KIAA1958: variants seen among roughly 807,000 people sequenced by gnomAD.
The protein encoded by KIAA1958 is KIAA1958.
In KIAA1958, 14 loss-of-function variants were observed where a neutral mutation model predicts 47.2. The observed-to-expected ratio is 0.30, with a 90% CI of 0.20 to 0.46. KIAA1958 has a LOEUF of 0.46. KIAA1958 is among the 20% of genes least tolerant of loss of function. The probability of loss-of-function intolerance (pLI) is 1.00; values close to 1 mark genes in which losing one functional copy is unlikely to be tolerated. For missense variants in KIAA1958, 803 were observed against 909.2 expected, an observed-to-expected ratio of 0.88 and a Z score of 1.50; for synonymous variants, 354 against 353.3, an observed-to-expected ratio of 1.00 and a Z score of -0.02.
intron 2 of KIAA1958, among the ~76,000 whole-genome samples, chr9:112,631,906 C>G (rs1254395262): frequency 1.3e-5 from 2 of 152,106 alleles, no homozygotes; most frequent in Non-Finnish European, 2.9e-5. Flanking sequence ...GGATTTGTTT[C>G]CAGTTTTTTG....
intron 1 of KIAA1958, among the ~76,000 whole-genome samples, chr9:112,507,888 C>T (rs977989937): frequency 5.3e-5 from 8 of 152,086 alleles, no homozygotes; most frequent in African/African-American, 1.9e-4. Context: ...CTGCCTCAGC[C>T]TCCCGAAGTG....
At chr9:112,621,771 C>T (rs558703204) in intron 2 of KIAA1958, among the ~76,000 whole-genome samples, 63 of 152,248 alleles carry the variant, frequency 4.1e-4, no homozygotes, top group African/African-American at 1.3e-3. Context: ...TGAACAGAGA[C>T]AGGGTCTTGC....
At chr9:112,549,789 G>A (rs1200936762) in intron 1 of KIAA1958, among the ~76,000 whole-genome samples, 1 of 152,204 alleles carries the variant, frequency 6.6e-6, no homozygotes, top group Non-Finnish European at 1.5e-5. Context: ...ATTTTTGGTT[G>A]TCACGACTTG....
chr9:112,538,887 C>T (rs1204338840), intron 1 of KIAA1958, among the ~76,000 whole-genome samples: 1 of 152,076 alleles, frequency 6.6e-6, no homozygotes, highest in Non-Finnish European at 1.5e-5. Flanking sequence ...TTATGATACT[C>T]AACAAAAAGG....
chr9:112,529,494 ACTTT>A (rs1213742751), intron 1 of KIAA1958, among the ~76,000 whole-genome samples: 1 of 151,946 alleles, frequency 6.6e-6, no homozygotes, highest in Admixed American at 6.6e-5. Flanking sequence ...AGTTTTTCAG[ACTTT>A]CTTTGTTTTT....
chr9:112,499,524 C>T (rs892606612), intron 1 of KIAA1958, among the ~76,000 whole-genome samples: 22 of 152,070 alleles, frequency 1.4e-4, no homozygotes, highest in African/African-American at 5.1e-4. Flanking sequence ...CATTGAAAAG[C>T]ATATATTCAT....
intron 1 of KIAA1958, among the ~76,000 whole-genome samples, chr9:112,489,206 G>A (rs571086684): frequency 6.6e-6 from 1 of 152,292 alleles, no homozygotes; most frequent in Admixed American, 6.5e-5. Flanking sequence ...CAGAATTTCA[G>A]CACTTAGATA....
chr9:112,644,995 C>T (rs184208818), intron 2 of KIAA1958, among the ~76,000 whole-genome samples: 4 of 141,258 alleles, frequency 2.8e-5, no homozygotes, highest in East Asian at 2.0e-4. Flanking sequence ...ATTAGCCAGA[C>T]GTGATGGCAG....
intron 1 of KIAA1958, among the ~76,000 whole-genome samples, chr9:112,494,658 G>A (rs1485651791): frequency 6.6e-6 from 1 of 151,996 alleles, no homozygotes; most frequent in African/African-American, 2.4e-5. Flanking sequence ...TGTAGAGACA[G>A]GGTTTCACCA....
chr9:112,603,941 TTTTC>T (rs1297333167), intron 2 of KIAA1958, among the ~76,000 whole-genome samples: 1 of 152,232 alleles, frequency 6.6e-6, no homozygotes, highest in East Asian at 1.9e-4. Flanking sequence ...ACATCATTTC[TTTTC>T]TTTATCAAGT....
Position 112,664,573 on chromosome 9 carries a change from A to G in KIAA1958, c.*4504A>G, listed in dbSNP as rs1837326325. ...GTAACAGCTCTGAACAGAAGTATGTATTAAATGTTTCAAACTTGTATATAT... is the reference window on the plus strand; with the variant it reads ...GTAACAGCTCTGAACAGAAGTATGTGTTAAATGTTTCAAACTTGTATATAT... On this transcript the variant is annotated 3_prime_UTR_variant, in exon 4 of 4. Coordinates refer to ENST00000337530, the MANE Select transcript of KIAA1958 (RefSeq NM_133465.4). 6.6e-6 allele frequency: 1 copy of G among 152,258 alleles called. No individual in the cohort carries two copies. The highest frequency in any genetic ancestry group is 1.5e-5 in the Non-Finnish European group (1 of 68,048). 9.4% of individuals were successfully genotyped at this position (152,258 alleles called of 1,614,324 possible).
intron 1 of KIAA1958, among the ~76,000 whole-genome samples, chr9:112,533,828 G>C (rs1588005951): frequency 6.6e-6 from 1 of 152,086 alleles, no homozygotes; most frequent in Non-Finnish European, 1.5e-5. Flanking sequence ...ACCTCTTCCT[G>C]GTTCTGCCCT....
In KIAA1958 at chr9:112,659,271, A is replaced by G. The variant is rs1837215372; in HGVS notation, c.1353A>G (p.Ala451=). The G allele has an allele frequency of 6.2e-7, 1 of 1,611,530 alleles. No homozygotes were observed. Among genetic ancestry groups the G allele is most frequent in the Admixed American group, 1.7e-5 (1 of 59,948 alleles). ...KDHTDITKIP[A]VKLNELLENF... is the part of the protein sequence containing the mutation. Reference sequence around the variant, plus strand: ...TGTTTGTCTCATTTGAGATCCCTGCAGTGAAGTTGAACGAGCTGCTCGAGA... The same window carrying G: ...TGTTTGTCTCATTTGAGATCCCTGCGGTGAAGTTGAACGAGCTGCTCGAGA... The change falls in exon 4 of 4, where the codon GCA becomes GCG. Residue 451 remains alanine (A), a synonymous_variant. Transcript: ENST00000337530.
In KIAA1958 at chr9:112,640,211, C is replaced by T. The variant is rs146935312; in HGVS notation, c.1172-5439C>T. 1.9e-3 allele frequency among the ~76,000 whole-genome samples: 283 copies of T among 152,306 alleles called. 2 individuals are homozygous for T. Among genetic ancestry groups the T allele is most frequent in the African/African-American group, 6.7e-3 (279 of 41,556 alleles). On this transcript the variant is annotated intron_variant, in intron 2 of 3. Transcript: ENST00000337530. ...TAGCCAGCACGTAAGGTGGGTGGAT[C>T]ACTTTAATGCAGTCTAGACTGATCT... is the stretch of plus-strand genomic sequence containing the variant.
rs367695140 is a variant in KIAA1958 at position 112,659,442 on chromosome 9, G to A, written c.1524G>A (p.Lys508=). 89 of 1,614,104 alleles carry A rather than the reference G, an allele frequency of 5.5e-5. 1 individual carries two copies. The African/African-American group carries it at 8.9e-4, about 16-fold the overall frequency. ...ITSSTFSSST[K]KLKEKLWVLS... ...GCAGCACCTTCAGCTCCTCCACCAAGAAACTCAAGGAGAAGCTGTGGGTGC... is the reference window on the plus strand; with the variant it reads ...GCAGCACCTTCAGCTCCTCCACCAAAAAACTCAAGGAGAAGCTGTGGGTGC... The change falls in exon 4 of 4, where the codon AAG becomes AAA. Residue 508 remains lysine, a synonymous_variant. Coordinates refer to ENST00000337530, the MANE Select transcript of KIAA1958 (RefSeq NM_133465.4).
intron 1 of KIAA1958, among the ~76,000 whole-genome samples, chr9:112,517,444 T>C (rs539197055): frequency 1.3e-5 from 2 of 152,292 alleles, no homozygotes; most frequent in East Asian, 3.9e-4. Flanking sequence ...TATATAAAAG[T>C]TAAAACGGAT....
chr9:112,573,949 G>A (rs575953482), intron 1 of KIAA1958, 108 bp from the exon 2 acceptor site: 26 of 607,220 alleles, frequency 4.3e-5, no homozygotes, highest in Non-Finnish European at 7.0e-5. Flanking sequence ...GTTTTGAAGT[G>A]CGTTTTTTTT....
intron 1 of KIAA1958, among the ~76,000 whole-genome samples, chr9:112,535,690 A>AAC (rs1834842872): frequency 6.6e-6 from 1 of 152,160 alleles, no homozygotes; most frequent in Admixed American, 6.5e-5. Context: ...CATTTTCACT[A>AAC]ACAGTGTACA....
At chr9:112,583,762 G>A (rs898525223) in intron 2 of KIAA1958, among the ~76,000 whole-genome samples, 1 of 152,092 alleles carries the variant, frequency 6.6e-6, no homozygotes, top group Non-Finnish European at 1.5e-5. Flanking sequence ...GTGTTACACA[G>A]ACACACACAC....
Sources: gnomAD v4.1 joint callset for allele counts (sites outside exome capture counted in the v4.1 genomes callset) on GRCh38, gnomAD v4.1.1 for gene constraint, MANE v1.5 for transcripts, NCBI Gene and HGNC (gene_info 2026-07-23, HGNC 2026-07-21) for gene names.